The following OSMR variants were observed in gnomAD, a reference collection of about 807,000 sequenced individuals.
OSMR encodes the protein oncostatin-M-specific receptor subunit beta.
OSMR carries 81 observed loss-of-function variants against 99.9 expected under a neutral mutation model. The observed-to-expected ratio is 0.81, with a 90% CI of 0.68 to 0.97. The LOEUF (loss-of-function observed/expected upper bound fraction) is 0.97, where lower values mean the gene tolerates loss of function less well. Among genes scored for constraint, OSMR ranks in the 50% least tolerant of loss-of-function variants. The pLI is 0.00. For missense variants in OSMR, 1,099 were observed against 1,153.4 expected (o/e 0.95, Z 0.68); for synonymous variants, 406 against 410.4 (o/e 0.99, Z 0.13).
chr5:38,863,265 G>C (rs1034948913), intron 1 of OSMR, among the ~76,000 whole-genome samples: 1 of 149,350 alleles, frequency 6.7e-6, no homozygotes, highest in Non-Finnish European at 1.5e-5. Flanking sequence ...AGATGGCCAG[G>C]TGTGGTGGCT....
chr5:38,885,905 A>T, intron 6 of OSMR, 134 bp from the exon 7 acceptor site: 10 of 1,471,052 alleles, frequency 6.8e-6, no homozygotes, highest in Non-Finnish European at 8.1e-6. Context: ...TTTGTTGGTG[A>T]TGGATGGATC....
chr5:38,913,810 A>G (rs1745745907), intron 9 of OSMR, among the ~76,000 whole-genome samples: 1 of 152,220 alleles, frequency 6.6e-6, no homozygotes, highest in South Asian at 2.1e-4. Context: ...TTCTGTAAGT[A>G]TTAAAAGCCA....
chr5:38,857,400 T>A (rs951601386), intron 1 of OSMR, among the ~76,000 whole-genome samples: 4 of 152,212 alleles, frequency 2.6e-5, no homozygotes, highest in Non-Finnish European at 5.9e-5. Context: ...GGAGGATTTT[T>A]CTTTGACTTC....
chr5:38,875,353 CACTT>C (rs1742733119), intron 2 of OSMR, among the ~76,000 whole-genome samples: 1 of 152,194 alleles, frequency 6.6e-6, no homozygotes, highest in Non-Finnish European at 1.5e-5. Flanking sequence ...TGACTTAACT[CACTT>C]AGTCAGGACA....
At chr5:38,860,132 T>C (rs1385064979) in intron 1 of OSMR, among the ~76,000 whole-genome samples, 5 of 152,222 alleles carry the variant, frequency 3.3e-5, no homozygotes, top group African/African-American at 9.6e-5. Flanking sequence ...AAATTGGGCA[T>C]CCTTTTCTCA....
At chr5:38,927,399 T>A (rs11738484) in intron 15 of OSMR, among the ~76,000 whole-genome samples, 1 of 152,118 alleles carries the variant, frequency 6.6e-6, no homozygotes. Flanking sequence ...GGCATTTCCA[T>A]ATGTCCTCTG....
At chr5:38,886,761 G>A (rs1354514376) in intron 7 of OSMR, 3 of 152,358 alleles carry the variant, frequency 2.0e-5, no homozygotes, top group Admixed American at 6.5e-5. Context: ...GGATTTGCAG[G>A]TTGTATCAAA....
At position 38,933,109 on chromosome 5, in the gene OSMR, G is replaced by A; in HGVS notation, c.2605G>A (p.Gly869Ser). 1.2e-6 allele frequency: 2 copies of A among 1,614,190 alleles called. No individual in the cohort carries two copies. Residue 869 changes from glycine to serine, a missense_variant, in exon 18 of 18, where the codon GGC becomes AGC. Transcript: ENST00000274276. The part of the protein sequence containing the change: ...LTYNQAASDS[G>S]SCGHVPVSPK... Reference sequence around the variant, plus strand: ...CTATAACCAGGCAGCTTCTGACTCTGGCTCTTGTGGCCATGTTCCAGTATC... The same window carrying A: ...CTATAACCAGGCAGCTTCTGACTCTAGCTCTTGTGGCCATGTTCCAGTATC...
chr5:38,938,566 G>C (rs751211817), downstream of OSMR: 24 of 232,558 alleles, frequency 1.0e-4, no homozygotes, highest in Non-Finnish European at 1.8e-4. Flanking sequence ...GCAGCTATCC[G>C]ATACTTACAT....
chr5:38,943,133 A>C, intron 1 of OSMR: 1 of 478,102 alleles, frequency 2.1e-6, no homozygotes, highest in Non-Finnish European at 3.7e-6. Context: ...TATTCCTGTC[A>C]CACACTTAGA....
Position 38,924,569 on chromosome 5 carries a change from C to T in OSMR, c.2018C>T (p.Pro673Leu). 1 of 1,613,688 alleles carries T rather than the reference C, an allele frequency of 6.2e-7. No homozygotes were observed. The highest frequency in any genetic ancestry group is 1.3e-5 in the African/African-American group (1 of 75,026). The change falls in exon 14 of 18, where the codon CCA becomes CTA. Residue 673 changes from proline (P) to leucine (L), a missense_variant. Pro to Leu is a moderately conservative substitution (Grantham distance 98, BLOSUM62 -3). Transcript: ENST00000274276. ...YLKSKARQCH[P>L]RFEKAVLSDG... ...AAATCCAAGGCGAGGCAGTGCCACCCACGATTTGAAAAGGCAGTTCTTTCA... is the reference window on the plus strand; with the variant it reads ...AAATCCAAGGCGAGGCAGTGCCACCTACGATTTGAAAAGGCAGTTCTTTCA...
Position 38,886,191 on chromosome 5 carries a change from G to A in OSMR, c.991+1G>A, listed in dbSNP as rs778711157. 6.8e-6 allele frequency: 11 copies of A among 1,614,138 alleles called. No individual in the cohort carries two copies. The highest frequency in any genetic ancestry group is 7.6e-6 in the Non-Finnish European group (9 of 1,179,988). On this transcript the variant is annotated splice_donor_variant, in intron 7 of 17. Coordinates refer to ENST00000274276, the MANE Select transcript of OSMR (RefSeq NM_003999.3). LOFTEE classifies it high-confidence loss of function. ...ATCCTTTTTAACCTGACTCATCGAG[G>A]TGAGACTAGAGTTGTCACAGCCCAC...
chr5:38,858,091 A>G (rs558656034), intron 1 of OSMR, among the ~76,000 whole-genome samples: 2 of 152,362 alleles, frequency 1.3e-5, no homozygotes, highest in East Asian at 3.9e-4. Context: ...TAGGATATCT[A>G]TCACCTGAAA....
chr5:38,866,511 T>G lies in OSMR; in HGVS notation c.-13-2521T>G, dbSNP rs1000245036. 7.2e-5 allele frequency among the ~76,000 whole-genome samples: 11 copies of G among 152,066 alleles called. No homozygotes were observed. In the South Asian group the frequency reaches 1.9e-3, roughly 26 times the overall value. ...TTCCCCAGTGTGCTGCACCAGTTGT[T>G]CCCCCGGGTATAGACTGAGTGAGGT... is the stretch of plus-strand genomic sequence containing the variant. On this transcript the variant is annotated intron_variant, in intron 1 of 17. Coordinates refer to ENST00000274276, the MANE Select transcript of OSMR (RefSeq NM_003999.3).
chr5:38,942,452 A>AT (rs200385182), intron 1 of OSMR: 135,126 of 556,556 alleles, frequency 0.24, 4,543 homozygotes, highest in Non-Finnish European at 0.26. Context: ...TAAATATCTA[A>AT]TTTTTTTTTT....
chr5:38,875,174 C>T (rs1276293458), intron 2 of OSMR, among the ~76,000 whole-genome samples: 3 of 152,198 alleles, frequency 2.0e-5, no homozygotes, highest in East Asian at 1.9e-4. Context: ...CTGATTTTAT[C>T]GATGCAGGCT....
In OSMR at chr5:38,933,383, C is replaced by T. The variant is rs141962878; in HGVS notation, c.2879C>T (p.Pro960Leu). 4.5e-5 allele frequency: 73 copies of T among 1,614,038 alleles called. No individual in the cohort carries two copies. The African/African-American group carries it at 6.7e-4, about 15-fold the overall frequency. The change falls in exon 18 of 18, where the codon CCG (proline) becomes CTG (leucine). Residue 960 changes from proline (P) to leucine (L), a missense_variant. Transcript: ENST00000274276. ...AVSLRLALPP[P>L]TENSSLSSIT... ...TCCCTGCGTCTTGCCTTGCCTCCCC[C>T]GACCGAGAATAGCAGCCTCTCCTCA...
rs1451903882 is a variant in OSMR at position 38,846,152 on chromosome 5, C to T, written c.-249C>T. ...GTGAGTACCCCCGACCCGCCCGTCC[C>T]CGCTCTGCTCGCGCCCTGCCGCTGC... On this transcript the variant is annotated 5_prime_UTR_variant, in exon 1 of 18. Transcript: ENST00000274276. 1 of 152,256 alleles carries T rather than the reference C, an allele frequency of 6.6e-6. No homozygotes were observed. The highest frequency in any genetic ancestry group is 1.5e-5 in the Non-Finnish European group (1 of 68,096). 9.4% of individuals were successfully genotyped at this position (152,256 alleles called of 1,614,324 possible). A position where few individuals can be genotyped will look rare whatever the true frequency, so the allele number is the denominator to read the frequency against.
At chr5:38,911,301 C>T (rs1282492899) in intron 9 of OSMR, among the ~76,000 whole-genome samples, 1 of 152,112 alleles carries the variant, frequency 6.6e-6, no homozygotes, top group African/African-American at 2.4e-5. Context: ...CTGTGAGCAC[C>T]TTTTTGGACA....
Sources: allele counts gnomAD v4.1 joint callset (sites outside exome capture counted in the v4.1 genomes callset), GRCh38; gene constraint gnomAD v4.1.1; transcripts MANE v1.5; gene names NCBI Gene and HGNC (gene_info 2026-07-23, HGNC 2026-07-21).